MYH16: variants seen among roughly 807,000 people sequenced by gnomAD.
MYH16 encodes putative uncharacterized protein MYH16.
At chr7:99,259,922 A>T (rs1791921334) in intron 11 of MYH16, among the ~76,000 whole-genome samples, 1 of 151,786 alleles carries the variant, frequency 6.6e-6, no homozygotes, top group South Asian at 2.1e-4. Flanking sequence ...GGGTCTGAAC[A>T]TCATACTGTG....
intron 37 of MYH16, among the ~76,000 whole-genome samples, chr7:99,299,931 A>ATTTTAT (rs771402707): frequency 0.011 from 684 of 60,956 alleles, 9 homozygotes; most frequent in African/African-American, 0.05. Flanking sequence ...ATTTTATTTT[A>ATTTTAT]TTTATTTATT....
chr7:99,260,826 A>G (rs2150811422), intron 12 of MYH16: 1 of 152,872 alleles, frequency 6.5e-6, no homozygotes, highest in Admixed American at 6.5e-5. Context: ...AATCCCAGCA[A>G]TTTGGGAGGC....
chr7:99,294,375 A>C (rs1474178549), intron 33 of MYH16, among the ~76,000 whole-genome samples: 5 of 151,876 alleles, frequency 3.3e-5, no homozygotes, highest in African/African-American at 1.2e-4. Flanking sequence ...CTGTTTAAAC[A>C]GGGCCACAAA....
At chr7:99,281,323 G>A (rs375922926) in intron 23 of MYH16, among the ~76,000 whole-genome samples, 2 of 152,104 alleles carry the variant, frequency 1.3e-5, no homozygotes, top group African/African-American at 2.4e-5. Context: ...TTGGGAGGCT[G>A]AGGCAGGAGG....
intron 6 of MYH16, among the ~76,000 whole-genome samples, chr7:99,251,652 A>T (rs2150807803): frequency 6.6e-6 from 1 of 152,284 alleles, no homozygotes; most frequent in Non-Finnish European, 1.5e-5. Context: ...ATTTCTCAAT[A>T]AAGAAAAGAA....
exon 32 of MYH16, chr7:99,292,332 G>A (rs1305057893): frequency 1.3e-5 from 6 of 456,680 alleles, no homozygotes; most frequent in Non-Finnish European, 2.6e-5. Context: ...CCGCCGTGGT[G>A]AGTCTGGCCA....
chr7:99,310,021 A>T (rs1792738228), downstream of MYH16, among the ~76,000 whole-genome samples: 1 of 152,184 alleles, frequency 6.6e-6, no homozygotes, highest in Non-Finnish European at 1.5e-5. Context: ...CCGTCTCCAG[A>T]AAAATAAAAA....
At chr7:99,283,896 A>C (rs1792238879) in exon 25 of MYH16, 1 of 456,354 alleles carries the variant, frequency 2.2e-6, no homozygotes, top group Non-Finnish European at 4.4e-6. Context: ...GGGAGCAGGA[A>C]AAGAAAATCC....
chr7:99,240,232 T>C (rs754412261), intron 1 of MYH16, among the ~76,000 whole-genome samples: 4 of 152,086 alleles, frequency 2.6e-5, no homozygotes, highest in Non-Finnish European at 5.9e-5. Flanking sequence ...GTGACCTGTG[T>C]ACGTTGCAAA....
At chr7:99,292,543 G>A (rs1236691653) in intron 32 of MYH16, 35 bp downstream of exon 13, 3 of 452,176 alleles carry the variant, frequency 6.6e-6, no homozygotes, top group South Asian at 1.6e-5. Context: ...GAGCCAGGTG[G>A]GCTGGGCAGG....
intron 37 of MYH16, among the ~76,000 whole-genome samples, chr7:99,299,959 A>ATTTG (rs1245673855): frequency 1.8e-4 from 27 of 149,302 alleles, no homozygotes; most frequent in African/African-American, 5.7e-4. Flanking sequence ...TTATTTATTT[A>ATTTG]TTTATTTATT....
At chr7:99,298,965 G>A (rs982970442) in intron 36 of MYH16, among the ~76,000 whole-genome samples, 6 of 151,782 alleles carry the variant, frequency 4.0e-5, no homozygotes, top group African/African-American at 1.2e-4. Flanking sequence ...AGTGGCTCAC[G>A]CCTGTAATCC....
rs1584352511 is a variant in MYH16 at position 99,284,587 on chromosome 7, T to A, written n.3226-258T>A. Among the ~76,000 whole-genome samples, 3 of 152,048 alleles carry A rather than the reference T, an allele frequency of 2.0e-5. 1 individual carries two copies. The South Asian group carries it at 6.2e-4, about 32-fold the overall frequency. On this transcript the variant is annotated intron_variant and non_coding_transcript_variant, in intron 25 of 41. Coordinates refer to ENST00000439784, the Ensembl canonical transcript of MYH16. ...CTGGGCGACAGAGCAACACCCTGTCTCAAAAAAAAGTGTCACATTAGTAAA... is the reference window on the plus strand; with the variant it reads ...CTGGGCGACAGAGCAACACCCTGTCACAAAAAAAAGTGTCACATTAGTAAA...
intron 11 of MYH16, among the ~76,000 whole-genome samples, chr7:99,259,599 C>T (rs1215959148): frequency 6.6e-6 from 1 of 151,854 alleles, no homozygotes; most frequent in Non-Finnish European, 1.5e-5. Flanking sequence ...GCTGGGATTA[C>T]AGGCGTGCGC....
At chr7:99,268,411 C>T (rs978919608) in intron 18 of MYH16, among the ~76,000 whole-genome samples, 6 of 152,242 alleles carry the variant, frequency 3.9e-5, no homozygotes, top group Admixed American at 1.3e-4. Flanking sequence ...CAGAGCTAGT[C>T]GGCATAAGGC....
intron 32 of MYH16, among the ~76,000 whole-genome samples, chr7:99,293,618 A>G (rs541816157): frequency 3.6e-4 from 54 of 151,988 alleles, no homozygotes; most frequent in African/African-American, 1.2e-3. Context: ...TCTGTATTTG[A>G]CATTGTCACC....
chr7:99,259,128 A>G (rs1791907690), intron 11 of MYH16, among the ~76,000 whole-genome samples: 1 of 152,170 alleles, frequency 6.6e-6, no homozygotes, highest in Admixed American at 6.5e-5. Flanking sequence ...GGGGATTACA[A>G]TTGGAGATGA....
intron 3 of MYH16, among the ~76,000 whole-genome samples, chr7:99,248,815 G>A (rs1791769913): frequency 6.6e-6 from 1 of 152,220 alleles, no homozygotes; most frequent in African/African-American, 2.4e-5. Context: ...CTGCAGGGAT[G>A]GGCACGTGGC....
At chr7:99,275,398 G>A (rs1792098234) in intron 20 of MYH16, among the ~76,000 whole-genome samples, 1 of 152,166 alleles carries the variant, frequency 6.6e-6, no homozygotes, top group Non-Finnish European at 1.5e-5. Flanking sequence ...GGAATTACAG[G>A]CGTGAGCCAC....
Sources: allele counts gnomAD v4.1 joint callset (sites outside exome capture counted in the v4.1 genomes callset), GRCh38; gene constraint gnomAD v4.1.1; transcripts MANE v1.5; gene names NCBI Gene and HGNC (gene_info 2026-07-23, HGNC 2026-07-21).